SIK3: variants seen among roughly 807,000 people sequenced by gnomAD.
SIK3 encodes the protein serine/threonine-protein kinase SIK3.
A neutral mutation model predicts 144.2 loss-of-function variants in SIK3; 28 were observed. That is an observed-to-expected ratio of 0.19 (90% CI 0.14 to 0.27). The LOEUF (loss-of-function observed/expected upper bound fraction) is 0.27. Ranked by LOEUF, SIK3 falls within the 10% of genes least tolerant of loss-of-function variation. The pLI is 1.00. For synonymous variants in SIK3, 686 were observed against 676.3 expected, an observed-to-expected ratio of 1.01 and a Z score of -0.22; for missense variants, 1,319 against 1,776.0, an observed-to-expected ratio of 0.74 and a Z score of 4.62.
At position 116,858,444 on chromosome 11, in the gene SIK3, A is replaced by G; in HGVS notation, c.3021T>C (p.Tyr1007=). ...QALLSPTPPD[Y]TRHQQVPHIL... Reference sequence around the variant, plus strand: ...TGTGGGGTACCTGCTGGTGTCTTGTATAGTCTGGCGGCGTGGGAGACAGCA... The same window carrying G: ...TGTGGGGTACCTGCTGGTGTCTTGTGTAGTCTGGCGGCGTGGGAGACAGCA... The change falls in exon 21 of 25, where the codon TAT becomes TAC. Residue 1007 remains tyrosine (Y), a synonymous_variant. Transcript: ENST00000445177. The surrounding 1 kb of genome is among the most constrained non-coding windows in gnomAD (Gnocchi z 5.4). 6.2e-7 allele frequency: 1 copy of G among 1,607,380 alleles called. No individual in the cohort carries two copies. Among genetic ancestry groups the G allele is most frequent in the Non-Finnish European group, 8.5e-7 (1 of 1,175,868 alleles).
rs7103269 is a variant in SIK3 at position 116,846,205 on chromosome 11, G to A, written c.*13+178C>T. Among the ~76,000 whole-genome samples, 12,727 of 152,118 alleles carry A rather than the reference G, an allele frequency of 0.084. 1,737 individuals are homozygous for A. The highest frequency in any genetic ancestry group is 0.29 in the African/African-American group (12,022 of 41,450). ...TTCTGCACACCCCCACCCCTACCTC[G>A]CGCCCTAAAACTAGCAGCGTCGTTA... On this transcript the variant is annotated intron_variant, in intron 24 of 24. Transcript: ENST00000445177. This position sits in a 1 kb window ranked among gnomAD's most constrained non-coding sequence, Gnocchi z 4.1.
chr11:116,951,635 C>G (rs1162100161), intron 3 of SIK3, among the ~76,000 whole-genome samples: 1 of 152,144 alleles, frequency 6.6e-6, no homozygotes, highest in Non-Finnish European at 1.5e-5. Flanking sequence ...AGAAACGGAT[C>G]TCTCTAATAC....
chr11:117,092,183 C>G (rs1056233338), intron 1 of SIK3, among the ~76,000 whole-genome samples: 2 of 152,090 alleles, frequency 1.3e-5, no homozygotes, highest in Non-Finnish European at 2.9e-5. Flanking sequence ...GGCCATAAGA[C>G]CCAGATGATC....
intron 1 of SIK3, among the ~76,000 whole-genome samples, chr11:117,009,074 A>T (rs1214566538): frequency 6.6e-6 from 1 of 151,776 alleles, no homozygotes; most frequent in Non-Finnish European, 1.5e-5. Context: ...ATCTCTACTA[A>T]AAGTACAAAA....
intron 1 of SIK3, among the ~76,000 whole-genome samples, chr11:117,056,353 C>T (rs900411782): frequency 1.6e-4 from 24 of 151,940 alleles, no homozygotes; most frequent in African/African-American, 5.1e-4. Context: ...GGAAGGGGAA[C>T]ATCACACACT....
chr11:117,084,210 C>T (rs1453465331), intron 1 of SIK3, among the ~76,000 whole-genome samples: 2 of 152,126 alleles, frequency 1.3e-5, no homozygotes, highest in Admixed American at 1.3e-4. Flanking sequence ...CTAATAACAG[C>T]TGTCTCTTAC....
At chr11:116,970,382 G>A (rs1381484272) in intron 1 of SIK3, among the ~76,000 whole-genome samples, 1 of 152,096 alleles carries the variant, frequency 6.6e-6, no homozygotes, top group African/African-American at 2.4e-5. Flanking sequence ...TTTTTAAATT[G>A]ACATTTAAGT....
intron 13 of SIK3, among the ~76,000 whole-genome samples, chr11:116,871,158 G>A (rs1225944802): frequency 1.3e-5 from 2 of 152,196 alleles, no homozygotes; most frequent in East Asian, 3.8e-4. Flanking sequence ...TTGTATCACT[G>A]TGACTTTCCC....
At chr11:117,053,797 C>T (rs964694410) in intron 1 of SIK3, among the ~76,000 whole-genome samples, 6 of 152,166 alleles carry the variant, frequency 3.9e-5, no homozygotes, top group Admixed American at 1.3e-4. Context: ...CAGGCATGTG[C>T]CACCATGCCC....
chr11:116,855,083 CA>C (rs528405922), intron 21 of SIK3, among the ~76,000 whole-genome samples: 426 of 82,056 alleles, frequency 5.2e-3, no homozygotes, highest in Non-Finnish European at 6.4e-3. Context: ...GAGACTCTGC[CA>C]AAAAAAAAAA....
intron 1 of SIK3, among the ~76,000 whole-genome samples, chr11:117,047,088 A>T (rs1404303771): frequency 6.6e-6 from 1 of 152,130 alleles, no homozygotes; most frequent in Non-Finnish European, 1.5e-5. Context: ...CTTTTATCAT[A>T]CTTTCCTTAA....
At chr11:117,035,913 A>C (rs569235722) in intron 1 of SIK3, 1 of 1,596,460 alleles carries the variant, frequency 6.3e-7, no homozygotes, top group Admixed American at 1.7e-5. Context: ...GCATGGCTAA[A>C]GACCGTGATG....
chr11:117,043,199 A>G (rs1952819242), intron 1 of SIK3, among the ~76,000 whole-genome samples: 2 of 152,212 alleles, frequency 1.3e-5, no homozygotes, highest in Admixed American at 1.3e-4. Context: ...CGAACGTGCC[A>G]TGAAACAACT....
chr11:116,881,535 AT>A (rs956688821), intron 6 of SIK3, among the ~76,000 whole-genome samples: 4 of 151,692 alleles, frequency 2.6e-5, no homozygotes, highest in African/African-American at 7.3e-5. Context: ...TGAAAGCAAC[AT>A]TTTTTTTCTT....
In SIK3 at chr11:116,918,975, A is replaced by G. The variant is rs146336320; in HGVS notation, c.616+8244T>C. 2.0e-3 allele frequency among the ~76,000 whole-genome samples: 311 copies of G among 152,314 alleles called. 3 individuals are homozygous for G. The highest frequency in any genetic ancestry group is 7.0e-3 in the African/African-American group (290 of 41,558). Reference sequence around the variant, plus strand: ...GGGCAAGAACACAGGTCTAGCTATTAAAATTCCTAGACTCTATTATGAATT... The same window carrying G: ...GGGCAAGAACACAGGTCTAGCTATTGAAATTCCTAGACTCTATTATGAATT... On this transcript the variant is annotated intron_variant, in intron 4 of 24. Coordinates refer to ENST00000445177, the MANE Select transcript of SIK3 (RefSeq NM_001366686.3).
intron 6 of SIK3, among the ~76,000 whole-genome samples, chr11:116,880,761 T>C (rs983096433): frequency 1.3e-5 from 2 of 152,160 alleles, no homozygotes; most frequent in South Asian, 4.1e-4. Context: ...CATGGAAAGA[T>C]GGAGCCCTCA....
At chr11:117,042,316 T>C (rs768883350) in intron 1 of SIK3, among the ~76,000 whole-genome samples, 57 of 152,174 alleles carry the variant, frequency 3.7e-4, no homozygotes, top group Admixed American at 2.1e-3. Flanking sequence ...TTTAGATCTA[T>C]TGGCTGAAAT....
intron 1 of SIK3, among the ~76,000 whole-genome samples, chr11:116,979,653 A>C (rs1950072637): frequency 6.6e-6 from 1 of 152,082 alleles, no homozygotes; most frequent in Non-Finnish European, 1.5e-5. Context: ...TCAAGACCAG[A>C]CTGACCAACA....
chr11:116,963,918 C>T lies in SIK3; in HGVS notation c.274-6854G>A, dbSNP rs563267473. On this transcript the variant is annotated intron_variant, in intron 1 of 24. Transcript: ENST00000445177. Reference sequence around the variant, plus strand: ...AAAACAAATTTAAAAGAACCCCAAACCAACACAAGCTAGGCTCTTGAATGC... The same window carrying T: ...AAAACAAATTTAAAAGAACCCCAAATCAACACAAGCTAGGCTCTTGAATGC... Among the ~76,000 whole-genome samples, 16 of 152,306 alleles carry T rather than the reference C, an allele frequency of 1.1e-4. No homozygotes were observed. The East Asian group carries it at 2.9e-3, about 28-fold the overall frequency.
Sources: allele counts gnomAD v4.1 joint callset (sites outside exome capture counted in the v4.1 genomes callset), GRCh38; gene constraint gnomAD v4.1.1; non-coding constraint Gnocchi (gnomAD v3.1); transcripts MANE v1.5; gene names NCBI Gene and HGNC (gene_info 2026-07-23, HGNC 2026-07-21).